The following CCL5 variants were observed in gnomAD, a reference collection of about 807,000 sequenced individuals.
The protein encoded by CCL5 is C-C motif chemokine 5.
In CCL5, 5 loss-of-function variants were observed where a neutral mutation model predicts 9.0. The observed-to-expected ratio is 0.55, with a 90% CI of 0.29 to 1.16. The LOEUF (loss-of-function observed/expected upper bound fraction) is 1.16, where lower values mean the gene tolerates loss of function less well. Among genes scored for constraint, CCL5 ranks in the 50% most tolerant of loss-of-function variants. CCL5 has a pLI of 0.08. For missense variants in CCL5, 183 were observed against 183.2 expected, an observed-to-expected ratio of 1.00 and a Z score of 0.01; for synonymous variants, 66 against 72.0, an observed-to-expected ratio of 0.92 and a Z score of 0.42.
chr17:35,878,457 G>A, intron 2 of CCL5, 71 bp downstream of exon 2: 1 of 1,002,856 alleles, frequency 1.0e-6, no homozygotes, highest in Non-Finnish European at 1.6e-6. Context: ...AGGTGGAAGT[G>A]GGTAGGGCAT....
Position 35,880,215 on chromosome 17 carries a change from A to G in CCL5, c.76+15T>C, listed in dbSNP as rs551426799. On this transcript the variant is annotated intron_variant, in intron 1 of 3. Coordinates refer to ENST00000651122, the MANE Select transcript of CCL5 (RefSeq NM_001278736.2). ...TCTGACTCCAGGGGCTGTGGTGGTC[A>G]AGACCAGGACTTACATGGGGAGGCA... The G allele has an allele frequency of 7.4e-6, 12 of 1,611,920 alleles. No individual in the cohort carries two copies. The African/African-American group carries it at 9.3e-5, about 13-fold the overall frequency.
intron 2 of CCL5, among the ~76,000 whole-genome samples, chr17:35,876,857 C>T (rs1011360951): frequency 1.3e-5 from 2 of 152,204 alleles, no homozygotes; most frequent in African/African-American, 4.8e-5. Flanking sequence ...GGCCAAATCT[C>T]TCCTCAGACA....
At chr17:35,872,546 T>A (rs1295668469) in intron 3 of CCL5, 82 bp from the exon 3 acceptor site, 2 of 1,139,514 alleles carry the variant, frequency 1.8e-6, no homozygotes, top group African/African-American at 3.1e-5. Flanking sequence ...TGGATTAAGG[T>A]ATAAAGGGAA....
chr17:35,872,504 C>CA (rs1409241369), intron 3 of CCL5, 40 bp from the exon 3 acceptor site: 4 of 1,576,596 alleles, frequency 2.5e-6, no homozygotes, highest in Non-Finnish European at 3.5e-6. Flanking sequence ...GAGACCTTGT[C>CA]AGTACCGGGA....
At position 35,872,313 on chromosome 17, in the gene CCL5, G is replaced by A. The variant is rs185969338; in HGVS notation, c.422C>T (p.Ala141Val). The A allele has an allele frequency of 5.6e-6, 9 of 1,605,390 alleles. No homozygotes were observed. The East Asian group carries it at 1.8e-4, about 32-fold the overall frequency. Residue 141 changes from alanine (A) to valine (V), a missense_variant, in exon 4 of 4, where the codon GCT (alanine) becomes GTT (valine). Coordinates refer to ENST00000651122, the MANE Select transcript of CCL5 (RefSeq NM_001278736.2). ...AGGATAGTGAGGGGAAGCCTCCCAA[G>A]CTAGGACAAGAGCAAGCAGAAACAG...
chr17:35,875,707 G>T, intron 2 of CCL5: 3 of 585,044 alleles, frequency 5.1e-6, no homozygotes, highest in Non-Finnish European at 6.5e-6. Flanking sequence ...TCCATTTCCT[G>T]CCCCCAACCT....
intron 2 of CCL5, among the ~76,000 whole-genome samples, chr17:35,876,961 A>T (rs560483158): frequency 1.3e-5 from 2 of 151,818 alleles, no homozygotes; most frequent in Non-Finnish European, 2.9e-5. Flanking sequence ...TACTCTAGTC[A>T]TTGCTGTGTC....
chr17:35,873,400 G>A (rs1385189997), intron 3 of CCL5, among the ~76,000 whole-genome samples: 1 of 149,430 alleles, frequency 6.7e-6, no homozygotes, highest in African/African-American at 2.5e-5. Flanking sequence ...TGTTAGCCAG[G>A]ATGGTCTCGA....
intron 1 of CCL5, among the ~76,000 whole-genome samples, chr17:35,878,897 C>T (rs534623948): frequency 1.3e-4 from 20 of 152,292 alleles, no homozygotes; most frequent in African/African-American, 4.3e-4. Context: ...TTCAGGGCCT[C>T]CTCCTGGCTT....
Position 35,874,713 on chromosome 17 carries a change from C to T in CCL5, c.270+848G>A, listed in dbSNP as rs529295072. 1.3e-4 allele frequency among the ~76,000 whole-genome samples: 19 copies of T among 151,556 alleles called. No homozygotes were observed. The East Asian group carries it at 1.6e-3, about 12-fold the overall frequency. ...GCAACCTTCGCCTCCCGGGTTCAAG[C>T]GATTCTCCTGCCTCAGCCTCCTGAG... On this transcript the variant is annotated intron_variant, in intron 3 of 3. Coordinates refer to ENST00000651122, the MANE Select transcript of CCL5 (RefSeq NM_001278736.2).
chr17:35,878,898 C>T (rs2088477988), intron 1 of CCL5, among the ~76,000 whole-genome samples: 1 of 152,198 alleles, frequency 6.6e-6, no homozygotes, highest in African/African-American at 2.4e-5. Flanking sequence ...TCAGGGCCTC[C>T]TCCTGGCTTG....
At chr17:35,878,952 A>G (rs146361579) in intron 1 of CCL5, among the ~76,000 whole-genome samples, 4 of 152,022 alleles carry the variant, frequency 2.6e-5, no homozygotes, top group Non-Finnish European at 4.4e-5. Flanking sequence ...AGCATCCTCA[A>G]TGGATTTGGA....
In CCL5 at chr17:35,878,282, C is replaced by CAA. The variant is rs4013866; in HGVS notation, c.188+244_188+245dup. On this transcript the variant is annotated intron_variant, in intron 2 of 3. Coordinates refer to ENST00000651122, the MANE Select transcript of CCL5 (RefSeq NM_001278736.2). ...TGGGCGACAGAGTGAGACTCTGTCT[C>CAA]AAAAAAAAAAAAAAAAAAAAAAAAA... Among the ~76,000 whole-genome samples the CAA allele has an allele frequency of 7.1e-3, 227 of 31,970 alleles. 17 individuals are homozygous for CAA. Among genetic ancestry groups the CAA allele is most frequent in the Non-Finnish European group, 0.012 (196 of 16,448 alleles). 21.0% of individuals were successfully genotyped at this position (31,970 alleles called of 152,430 possible).
chr17:35,874,878 C>T (rs999595187), intron 3 of CCL5, among the ~76,000 whole-genome samples: 1 of 152,156 alleles, frequency 6.6e-6, no homozygotes, highest in African/African-American at 2.4e-5. Context: ...TCCCAAAGTA[C>T]AGGGATCACA....
At chr17:35,872,493 T>A in intron 3 of CCL5, 29 bp from the exon 3 acceptor site, 5 of 1,603,920 alleles carry the variant, frequency 3.1e-6, no homozygotes, top group Non-Finnish European at 3.4e-6. Context: ...AGAGGGAGGA[T>A]GAGACCTTGT....
In CCL5 at chr17:35,880,328, C is replaced by G; in HGVS notation, c.-23G>C. ...CATGGTACCTGTGGGAGAGGCTGTG[C>G]GAGGTCCACGTGCTGTCTTGATCCT... is the stretch of plus-strand genomic sequence containing the variant. On this transcript the variant is annotated 5_prime_UTR_variant, in exon 1 of 4. Coordinates refer to ENST00000651122, the MANE Select transcript of CCL5 (RefSeq NM_001278736.2). The G allele has an allele frequency of 6.3e-7, 1 of 1,591,538 alleles. No individual in the cohort carries two copies. Among genetic ancestry groups the G allele is most frequent in the Admixed American group, 1.7e-5 (1 of 58,288 alleles).
chr17:35,876,583 C>G (rs1318766142), intron 2 of CCL5, among the ~76,000 whole-genome samples: 1 of 152,194 alleles, frequency 6.6e-6, no homozygotes, highest in Admixed American at 6.5e-5. Flanking sequence ...TTTGAAACCT[C>G]CTGTCTCTCC....
intron 2 of CCL5, among the ~76,000 whole-genome samples, chr17:35,876,935 G>GTT (rs138597635): frequency 6.6e-6 from 1 of 150,638 alleles, no homozygotes; most frequent in African/African-American, 2.4e-5. Flanking sequence ...CCCTTGTCAT[G>GTT]TTTTTTTTTG....
rs754081737 is a variant in CCL5, at chr17:35,872,459, A to G, written c.276T>C (p.Cys92=). ...ACACACTTGGCGGTTCTTTCGGGTGACAAAGCTGTGGGAGAGGAGAAGAAG... is the reference window on the plus strand; with the variant it reads ...ACACACTTGGCGGTTCTTTCGGGTGGCAAAGCTGTGGGAGAGGAGAAGAAG... The change falls in exon 4 of 4, where the codon TGT becomes TGC. Residue 92 remains cysteine (C), a synonymous_variant. Coordinates refer to ENST00000651122, the MANE Select transcript of CCL5 (RefSeq NM_001278736.2). 4.3e-6 allele frequency: 7 copies of G among 1,614,026 alleles called. No homozygotes were observed. Among genetic ancestry groups the G allele is most frequent in the Non-Finnish European group, 5.9e-6 (7 of 1,179,986 alleles).
Sources: gnomAD v4.1 joint callset for allele counts (sites outside exome capture counted in the v4.1 genomes callset) on GRCh38, gnomAD v4.1.1 for gene constraint, MANE v1.5 for transcripts, NCBI Gene and HGNC (gene_info 2026-07-23, HGNC 2026-07-21) for gene names.